OTC: variants seen among roughly 807,000 people sequenced by gnomAD.
OTC encodes ornithine transcarbamylase.
OTC carries 3 observed loss-of-function variants against 30.3 expected under a neutral mutation model. The observed-to-expected ratio is 0.10, with a 90% confidence interval of 0.05 to 0.26. The LOEUF (loss-of-function observed/expected upper bound fraction) is 0.26, where lower values mean the gene tolerates loss of function less well. Among genes scored for constraint, OTC ranks in the 10% least tolerant of loss-of-function variants. The pLI, the probability that OTC is intolerant of heterozygous loss-of-function variation, is 1.00. For missense variants in OTC, 194 were observed against 260.3 expected, an observed-to-expected ratio of 0.75 and a Z score of 1.75; for synonymous variants, 111 against 99.7, an observed-to-expected ratio of 1.11 and a Z score of -0.67.
At chrX:38,352,916 C>T in intron 1 of OTC, 143 bp downstream of exon 1, 1 of 513,560 alleles carries the variant, frequency 1.9e-6, no homozygotes, top group South Asian at 2.7e-5. Flanking sequence ...CTAATTCCAG[C>T]AAAGCTTTCA....
Position 38,358,620 on chromosome X carries a change from A to ATTTTT in OTC, c.77+5862_77+5866dup, listed in dbSNP as rs1194488054. ...ACCCCCCCTCACTAGCTGTGGTGGAATTTTTTTTTTTTTTTTTTTGAGATG... is the reference window on the plus strand; with the variant it reads ...ACCCCCCCTCACTAGCTGTGGTGGAATTTTTTTTTTTTTTTTTTTTTTTTGAGATG... On this transcript the variant is annotated intron_variant, in intron 1 of 9. Coordinates refer to ENST00000039007, the MANE Select transcript of OTC (RefSeq NM_000531.6). 1.4e-3 allele frequency among the ~76,000 whole-genome samples: 127 copies of ATTTTT among 88,288 alleles called. 1 individual carries two copies. The highest frequency in any genetic ancestry group is 2.2e-3 in the South Asian group (4 of 1,784). 76.7% of individuals were successfully genotyped at this position (88,288 alleles called of 115,157 possible).
intron 4 of OTC, among the ~76,000 whole-genome samples, chrX:38,397,358 A>G (rs2068462968): frequency 8.9e-6 from 1 of 112,282 alleles, no homozygotes; most frequent in Admixed American, 9.5e-5. Context: ...TTAAAAAACA[A>G]ATCACTCTTG....
intron 1 of OTC, among the ~76,000 whole-genome samples, chrX:38,353,297 G>A (rs1435675045): frequency 2.7e-5 from 3 of 111,910 alleles, no homozygotes; most frequent in Non-Finnish European, 5.6e-5. Flanking sequence ...CATGTGCAAA[G>A]CAGGCTGTCT....
chrX:38,373,278 C>T (rs149415089), intron 3 of OTC, among the ~76,000 whole-genome samples: 2,476 of 111,813 alleles, frequency 0.022, 78 homozygotes, highest in African/African-American at 0.076. Flanking sequence ...TATTTTTGAA[C>T]TTTATATTAA....
chrX:38,330,425 C>T, the OTC span, among the ~76,000 whole-genome samples: 1 of 112,518 alleles, frequency 8.9e-6, no homozygotes, highest in African/African-American at 3.2e-5. Context: ...CAAGAGAAAA[C>T]TAGCACACCA....
chrX:38,365,232 C>T (rs1311517303), intron 1 of OTC, among the ~76,000 whole-genome samples: 1 of 112,807 alleles, frequency 8.9e-6, no homozygotes, highest in Non-Finnish European at 1.9e-5. Flanking sequence ...CCACAATTTG[C>T]CTTTGGCTGT....
the OTC span, among the ~76,000 whole-genome samples, chrX:38,344,236 T>TACAC: frequency 3.0e-5 from 1 of 33,006 alleles, no homozygotes; most frequent in East Asian, 4.0e-4. Context: ...GTGATATATA[T>TACAC]ATATACACAC....
At chrX:38,368,010 G>T (rs939007164) in intron 2 of OTC, among the ~76,000 whole-genome samples, 1 of 111,124 alleles carries the variant, frequency 9.0e-6, no homozygotes, top group Non-Finnish European at 1.9e-5. Context: ...GAGCCACCGT[G>T]CCCGGCCAAG....
At chrX:38,409,135 A>C in intron 8 of OTC, 110 bp downstream of exon 8, 1 of 821,405 alleles carries the variant, frequency 1.2e-6, no homozygotes, top group Non-Finnish European at 1.8e-6. Context: ...ATTCCCTATA[A>C]AAGGACTCAC....
At chrX:38,388,679 T>TA (rs2068416770) in intron 4 of OTC, among the ~76,000 whole-genome samples, 1 of 111,876 alleles carries the variant, frequency 8.9e-6, no homozygotes, top group East Asian at 2.8e-4. Context: ...CAGTCATTTG[T>TA]CTTCTAATAT....
chrX:38,329,311 A>T, the OTC span, among the ~76,000 whole-genome samples: 150 of 111,344 alleles, frequency 1.3e-3, no homozygotes, highest in African/African-American at 4.6e-3. Context: ...TAAGACATCA[A>T]ATTGGAGGTG....
chrX:38,373,368 A>G (rs764075890), intron 3 of OTC, among the ~76,000 whole-genome samples: 2 of 112,576 alleles, frequency 1.8e-5, no homozygotes, highest in Admixed American at 9.4e-5. Flanking sequence ...AGCTGTGTGT[A>G]GTTGTAGATC....
chrX:38,377,882 G>A (rs919414763), intron 3 of OTC, among the ~76,000 whole-genome samples: 1 of 110,452 alleles, frequency 9.1e-6, no homozygotes, highest in East Asian at 2.9e-4. Flanking sequence ...CTCTCGCCCT[G>A]GCTGCAGTGC....
intron 4 of OTC, among the ~76,000 whole-genome samples, chrX:38,387,327 A>C (rs1299028567): frequency 8.9e-6 from 1 of 112,225 alleles, no homozygotes; most frequent in Non-Finnish European, 1.9e-5. Flanking sequence ...ACAATAAAAA[A>C]GTCTTACATT....
chrX:38,361,203 G>A (rs2068269836), intron 1 of OTC, among the ~76,000 whole-genome samples: 1 of 111,645 alleles, frequency 9.0e-6, no homozygotes, highest in Admixed American at 9.5e-5. Context: ...TACTCAGGAG[G>A]CTTAGGCAGG....
intron 5 of OTC, among the ~76,000 whole-genome samples, chrX:38,403,156 G>T (rs1294633010): frequency 9.0e-6 from 1 of 111,646 alleles, no homozygotes; most frequent in African/African-American, 3.3e-5. Context: ...CGTATAATGG[G>T]AACATGCTCT....
At chrX:38,407,781 C>T (rs1234787033) in intron 6 of OTC, among the ~76,000 whole-genome samples, 1 of 112,091 alleles carries the variant, frequency 8.9e-6, no homozygotes, top group Non-Finnish European at 1.9e-5. Flanking sequence ...CCTTGATGCT[C>T]TTAATCAGCT....
At chrX:38,411,728 A>G in intron 8 of OTC, 134 bp from the exon 9 acceptor site, 1 of 627,925 alleles carries the variant, frequency 1.6e-6, no homozygotes, top group Non-Finnish European at 2.6e-6. Context: ...AGATAAAACC[A>G]TCACTCTGCT....
At chrX:38,375,767 C>A (rs1474635010) in intron 3 of OTC, among the ~76,000 whole-genome samples, 2 of 111,287 alleles carry the variant, frequency 1.8e-5, no homozygotes, top group Non-Finnish European at 3.8e-5. Flanking sequence ...GGAGTGAAAT[C>A]TGGCCTAGAG....
Sources: gnomAD v4.1 joint callset for allele counts (sites outside exome capture counted in the v4.1 genomes callset) on GRCh38, gnomAD v4.1.1 for gene constraint, MANE v1.5 for transcripts, NCBI Gene and HGNC (gene_info 2026-07-23, HGNC 2026-07-21) for gene names.